ETV1: variants seen among roughly 807,000 people sequenced by gnomAD.
ETV1 encodes ETS translocation variant 1.
In ETV1, 27 loss-of-function variants were observed where a neutral mutation model predicts 62.3. The ratio of observed to expected loss-of-function variants is 0.43; its 90% CI spans 0.32 to 0.60. The LOEUF (loss-of-function observed/expected upper bound fraction) is 0.60, where lower values mean the gene tolerates loss of function less well. Among genes scored for constraint, ETV1 ranks in the 20% least tolerant of loss-of-function variants. ETV1 has a pLI of 0.06. For missense variants in ETV1, 605 were observed against 605.8 expected, an observed-to-expected ratio of 1.00 and a Z score of 0.01; for synonymous variants, 222 against 199.6, an observed-to-expected ratio of 1.11 and a Z score of -0.94.
intron 6 of ETV1, among the ~76,000 whole-genome samples, chr7:13,965,518 G>A (rs1790684442): frequency 6.6e-6 from 1 of 152,052 alleles, no homozygotes; most frequent in Non-Finnish European, 1.5e-5. Flanking sequence ...TTGGCTATCA[G>A]GGAGGGAAGA....
rs1780925893 is a variant in ETV1 at position 13,971,773 on chromosome 7, T to G, written c.235+5654A>C. 2.0e-5 allele frequency among the ~76,000 whole-genome samples: 3 copies of G among 152,182 alleles called. No homozygotes were observed. The South Asian group carries it at 6.2e-4, about 31-fold the overall frequency. ...ACTAGTTCTAAAAATAACACATAAC[T>G]TTGTTACGAAGAACAAAATGAAAGG... is the stretch of plus-strand genomic sequence containing the variant. On this transcript the variant is annotated intron_variant, in intron 6 of 13. Coordinates refer to ENST00000430479, the MANE Select transcript of ETV1 (RefSeq NM_004956.5).
At chr7:13,975,733 G>C (rs1337196542) in intron 6 of ETV1, among the ~76,000 whole-genome samples, 1 of 152,012 alleles carries the variant, frequency 6.6e-6, no homozygotes, top group East Asian at 1.9e-4. Context: ...AATCACGCCA[G>C]TGTGACCTTC....
Position 13,895,000 on chromosome 7 carries a change from T to C in ETV1, c.*866A>G, listed in dbSNP as rs1024459006. On this transcript the variant is annotated 3_prime_UTR_variant, in exon 14 of 14. Coordinates refer to ENST00000430479, the MANE Select transcript of ETV1 (RefSeq NM_004956.5). ...CTGAAGAAAGTGAAAAGGAGACAGA[T>C]ATTTTTTGCTTCATTTTGATTCCAG... The C allele has an allele frequency of 3.0e-5, 7 of 233,168 alleles. No homozygotes were observed. Among genetic ancestry groups the C allele is most frequent in the African/African-American group, 1.5e-4 (7 of 45,346 alleles). The allele number at this position is 233,168 out of a possible 1,614,324, so 14.4% of individuals were successfully genotyped here. A position where few individuals can be genotyped will look rare whatever the true frequency, so the allele number is the denominator to read the frequency against.
rs1431768158 is a variant in ETV1, at chr7:13,891,944, C to T, written c.*3922G>A. 3 of 231,734 alleles carry T rather than the reference C, an allele frequency of 1.3e-5. No homozygotes were observed. Among genetic ancestry groups the T allele is most frequent in the Admixed American group, 5.6e-5 (1 of 17,764 alleles). The allele number at this position is 231,734 out of a possible 1,614,324, so 14.4% of individuals were successfully genotyped here. On this transcript the variant is annotated 3_prime_UTR_variant, in exon 14 of 14. Transcript: ENST00000430479. ...GACCTTCTCCTCTGTAATGTTTTCT[C>T]ATTACAAGCTCTGAAAAGGCTGCAT...
At chr7:13,965,489 T>C (rs1790680709) in intron 6 of ETV1, among the ~76,000 whole-genome samples, 1 of 152,142 alleles carries the variant, frequency 6.6e-6, no homozygotes, top group African/African-American at 2.4e-5. Context: ...TTTTGAAGCT[T>C]GTACGTGTAG....
intron 5 of ETV1, among the ~76,000 whole-genome samples, chr7:13,982,315 C>T (rs1003194774): frequency 6.6e-6 from 1 of 151,952 alleles, no homozygotes; most frequent in African/African-American, 2.4e-5. Flanking sequence ...TAAAGTTATA[C>T]TACAAAATGT....
intron 13 of ETV1, among the ~76,000 whole-genome samples, chr7:13,896,759 A>AG (rs1470846865): frequency 2.0e-5 from 3 of 148,080 alleles, no homozygotes; most frequent in African/African-American, 5.2e-5. Flanking sequence ...AAAGAAAGAA[A>AG]GAAAGAAAGA....
chr7:13,902,141 T>C (rs1039490693), intron 12 of ETV1, among the ~76,000 whole-genome samples: 1 of 152,192 alleles, frequency 6.6e-6, no homozygotes, highest in African/African-American at 2.4e-5. Context: ...CATTATCTAA[T>C]AGGGCTAGGG....
chr7:13,921,584 C>T (rs766558964), intron 9 of ETV1, among the ~76,000 whole-genome samples: 4 of 152,080 alleles, frequency 2.6e-5, no homozygotes, highest in Non-Finnish European at 4.4e-5. Context: ...CTTGCCATGC[C>T]TACAGAAAAG....
At position 13,978,202 on chromosome 7, in the gene ETV1, T is replaced by G. The variant is rs190633349; in HGVS notation, c.182-722A>C. Among the ~76,000 whole-genome samples the G allele has an allele frequency of 4.7e-4, 72 of 152,312 alleles. 1 individual carries two copies. In the East Asian group the frequency reaches 0.01, roughly 21 times the overall value. On this transcript the variant is annotated intron_variant, in intron 5 of 13. Transcript: ENST00000430479. ...AATATCACTAGTTCGTCAGTCCTCATGTCAAAAGACGTTCCTATTTTTAGT... is the reference window on the plus strand; with the variant it reads ...AATATCACTAGTTCGTCAGTCCTCAGGTCAAAAGACGTTCCTATTTTTAGT...
intron 6 of ETV1, among the ~76,000 whole-genome samples, chr7:13,942,081 T>C (rs2128462808): frequency 7.0e-6 from 1 of 143,594 alleles, no homozygotes; most frequent in South Asian, 2.3e-4. Context: ...TGGAGTGCAG[T>C]GGCGCGATCT....
intron 6 of ETV1, among the ~76,000 whole-genome samples, chr7:13,973,439 G>C: frequency 6.6e-6 from 1 of 152,114 alleles, no homozygotes. Flanking sequence ...AGGCATTTTG[G>C]AGACCATCTA....
chr7:13,912,965 C>T (rs1176165816), intron 9 of ETV1, among the ~76,000 whole-genome samples: 2 of 152,210 alleles, frequency 1.3e-5, no homozygotes, highest in Non-Finnish European at 2.9e-5. Context: ...CTCTGAAGTT[C>T]ATCAAAGTAA....
At chr7:13,927,959 A>G (rs1487172228) in intron 9 of ETV1, among the ~76,000 whole-genome samples, 1 of 152,236 alleles carries the variant, frequency 6.6e-6, no homozygotes, top group African/African-American at 2.4e-5. Flanking sequence ...ATATAAAATT[A>G]ACAGCTTTTT....
At chr7:13,972,626 C>T (rs578240817) in intron 6 of ETV1, among the ~76,000 whole-genome samples, 1 of 152,202 alleles carries the variant, frequency 6.6e-6, no homozygotes, top group African/African-American at 2.4e-5. Context: ...CACATCCTAA[C>T]GTAATTCTAT....
chr7:13,945,167 G>C (rs2128465925), intron 6 of ETV1, among the ~76,000 whole-genome samples: 1 of 152,278 alleles, frequency 6.6e-6, no homozygotes, highest in Admixed American at 6.5e-5. Context: ...TTAGAGCTGG[G>C]TTGTATCAGG....
intron 9 of ETV1, among the ~76,000 whole-genome samples, chr7:13,921,259 C>A (rs952025794): frequency 2.6e-5 from 4 of 152,094 alleles, no homozygotes. Context: ...ACATATCAAG[C>A]ACAAAAGGCC....
At chr7:13,941,660 C>T (rs1486502371) in intron 6 of ETV1, among the ~76,000 whole-genome samples, 1 of 151,976 alleles carries the variant, frequency 6.6e-6, no homozygotes, top group Non-Finnish European at 1.5e-5. Flanking sequence ...CACTTGAGTC[C>T]AAGAGTTGGA....
At chr7:13,970,263 A>AACACACACACACACACAC (rs71033966) in intron 6 of ETV1, among the ~76,000 whole-genome samples, 15 of 126,658 alleles carry the variant, frequency 1.2e-4, no homozygotes, top group African/African-American at 4.4e-4. Context: ...CCCATCTCAA[A>AACACACACACACACACAC]ACACACACAC....
Sources: allele counts gnomAD v4.1 joint callset (sites outside exome capture counted in the v4.1 genomes callset), GRCh38; gene constraint gnomAD v4.1.1; transcripts MANE v1.5; gene names NCBI Gene and HGNC (gene_info 2026-07-23, HGNC 2026-07-21).